The following GRID1 variants were observed in gnomAD, a reference collection of about 807,000 sequenced individuals.
The protein encoded by GRID1 is glutamate receptor ionotropic, delta-1.
GRID1 carries 28 observed loss-of-function variants against 98.0 expected under a neutral mutation model. That is an observed-to-expected ratio of 0.29 (90% CI 0.21 to 0.39). The LOEUF is 0.39. GRID1 is among the 10% of genes least tolerant of loss of function. The pLI is 1.00. For missense variants in GRID1, 1,111 were observed against 1,340.5 expected, an observed-to-expected ratio of 0.83 and a Z score of 2.67; for synonymous variants, 553 against 538.5, an observed-to-expected ratio of 1.03 and a Z score of -0.37.
At chr10:85,913,480 C>CATAGTAGGTGATTAAGAA (rs1426419358) in intron 5 of GRID1, among the ~76,000 whole-genome samples, 16 of 152,230 alleles carry the variant, frequency 1.1e-4, no homozygotes, top group Non-Finnish European at 1.0e-4. Flanking sequence ...GTGCCTGGCA[C>CATAGTAGGTGATTAAGAA]ATAGTAGGTG....
intron 13 of GRID1, chr10:85,646,822 C>T (rs998203542): frequency 2.8e-5 from 7 of 251,320 alleles, no homozygotes; most frequent in South Asian, 1.1e-4. Flanking sequence ...AGTGGGCCCA[C>T]CCTCTCCCCA....
At chr10:85,891,714 A>T (rs1841202468) in intron 5 of GRID1, among the ~76,000 whole-genome samples, 1 of 152,186 alleles carries the variant, frequency 6.6e-6, no homozygotes, top group African/African-American at 2.4e-5. Context: ...GTCTTGAAAC[A>T]TCAAAATATT....
chr10:85,870,818 C>T (rs1033988056), intron 5 of GRID1, among the ~76,000 whole-genome samples: 1 of 152,132 alleles, frequency 6.6e-6, no homozygotes. Flanking sequence ...GCTAGAGCCC[C>T]ATTCAGGGCC....
At chr10:85,817,195 T>C (rs1048682788) in intron 8 of GRID1, among the ~76,000 whole-genome samples, 1 of 152,184 alleles carries the variant, frequency 6.6e-6, no homozygotes, top group African/African-American at 2.4e-5. Context: ...GTAGAATGAT[T>C]TATATTCCTC....
At chr10:85,789,087 G>A (rs985946028) in intron 8 of GRID1, among the ~76,000 whole-genome samples, 4 of 152,096 alleles carry the variant, frequency 2.6e-5, no homozygotes, top group African/African-American at 7.2e-5. Flanking sequence ...AATCCTTTTC[G>A]GGAAGGAGGC....
intron 4 of GRID1, among the ~76,000 whole-genome samples, chr10:85,950,026 A>C (rs922176359): frequency 1.3e-5 from 2 of 152,108 alleles, no homozygotes; most frequent in African/African-American, 4.8e-5. Flanking sequence ...TAGATAGATA[A>C]ATAGATAGAT....
At chr10:86,061,131 T>C (rs944750011) in intron 4 of GRID1, among the ~76,000 whole-genome samples, 1 of 152,142 alleles carries the variant, frequency 6.6e-6, no homozygotes, top group African/African-American at 2.4e-5. Flanking sequence ...CAGGCTTCAC[T>C]TTCCACTCAC....
intron 12 of GRID1, among the ~76,000 whole-genome samples, chr10:85,652,916 G>A (rs920853646): frequency 6.6e-6 from 1 of 152,150 alleles, no homozygotes; most frequent in Non-Finnish European, 1.5e-5. Flanking sequence ...ATGGCACAAA[G>A]TTCCTACTTT....
At chr10:86,067,649 T>A (rs1843739914) in intron 4 of GRID1, among the ~76,000 whole-genome samples, 1 of 152,200 alleles carries the variant, frequency 6.6e-6, no homozygotes, top group Non-Finnish European at 1.5e-5. Context: ...CCCCAGCGGC[T>A]GGGGCAAAGG....
At chr10:86,205,596 C>G (rs1004259449) in intron 3 of GRID1, among the ~76,000 whole-genome samples, 1 of 152,170 alleles carries the variant, frequency 6.6e-6, no homozygotes, top group Non-Finnish European at 1.5e-5. Context: ...GTGAAGGGCA[C>G]GCTGGATCTC....
At chr10:86,259,051 G>A (rs924565234) in intron 2 of GRID1, among the ~76,000 whole-genome samples, 3 of 152,246 alleles carry the variant, frequency 2.0e-5, no homozygotes, top group Non-Finnish European at 2.9e-5. Flanking sequence ...GAAAAAGAGA[G>A]AACCTCTGAT....
chr10:86,104,446 T>C (rs1474630416), intron 4 of GRID1, among the ~76,000 whole-genome samples: 1 of 152,106 alleles, frequency 6.6e-6, no homozygotes, highest in East Asian at 1.9e-4. Context: ...GGCATAGGAT[T>C]CCCTCCCAGG....
intron 13 of GRID1, among the ~76,000 whole-genome samples, chr10:85,628,567 A>G (rs1245840100): frequency 6.6e-6 from 1 of 152,148 alleles, no homozygotes; most frequent in African/African-American, 2.4e-5. Context: ...AACAATGGAG[A>G]AAGGTGATGC....
chr10:86,115,285 T>C (rs181264273), intron 4 of GRID1, among the ~76,000 whole-genome samples: 2 of 152,068 alleles, frequency 1.3e-5, no homozygotes, highest in Non-Finnish European at 2.9e-5. Context: ...TACATAGACA[T>C]TGAGGCACCA....
At chr10:86,104,622 A>G (rs1346509621) in intron 4 of GRID1, among the ~76,000 whole-genome samples, 4 of 152,190 alleles carry the variant, frequency 2.6e-5, no homozygotes, top group Admixed American at 6.5e-5. Context: ...ATCAGGGGCA[A>G]TCCTCGGCAG....
intron 4 of GRID1, among the ~76,000 whole-genome samples, chr10:86,129,225 G>C (rs768594620): frequency 1.3e-5 from 2 of 152,160 alleles, no homozygotes; most frequent in African/African-American, 4.8e-5. Flanking sequence ...ATCTCCATAT[G>C]AGCATTCAGA....
intron 2 of GRID1, among the ~76,000 whole-genome samples, chr10:86,259,094 G>T (rs1388236987): frequency 6.6e-6 from 1 of 152,248 alleles, no homozygotes; most frequent in Non-Finnish European, 1.5e-5. Flanking sequence ...CCTCAAAAAG[G>T]TGGGCGCTGA....
intron 8 of GRID1, among the ~76,000 whole-genome samples, chr10:85,816,361 T>C (rs1842715921): frequency 6.6e-6 from 1 of 152,104 alleles, no homozygotes; most frequent in Admixed American, 6.6e-5. Flanking sequence ...AAGAAACAAA[T>C]TACAGAACAG....
intron 3 of GRID1, among the ~76,000 whole-genome samples, chr10:86,177,296 G>T (rs531914563): frequency 1.3e-5 from 2 of 152,120 alleles, no homozygotes; most frequent in East Asian, 1.9e-4. Context: ...CTCCAATTAC[G>T]GCTGCTTCTG....
Sources: gnomAD v4.1 joint callset for allele counts (sites outside exome capture counted in the v4.1 genomes callset) on GRCh38, gnomAD v4.1.1 for gene constraint, MANE v1.5 for transcripts, NCBI Gene and HGNC (gene_info 2026-07-23, HGNC 2026-07-21) for gene names.